The following RBFOX1 variants were observed in gnomAD, a reference collection of about 807,000 sequenced individuals.
RBFOX1 encodes the protein RNA binding fox-1 homolog 1, also known as RNA binding protein fox-1 homolog 1.
RBFOX1 carries 8 observed loss-of-function variants against 57.7 expected under a neutral mutation model. The ratio of observed to expected loss-of-function variants is 0.14; its 90% CI spans 0.08 to 0.25. RBFOX1 has a LOEUF of 0.25. Among genes scored for constraint, RBFOX1 ranks in the 10% least tolerant of loss-of-function variants. The probability of loss-of-function intolerance (pLI) is 1.00; values close to 1 mark genes in which losing one functional copy is unlikely to be tolerated. For missense variants in RBFOX1, 611 were observed against 548.5 expected, an observed-to-expected ratio of 1.11 and a Z score of -1.14; for synonymous variants, 326 against 222.4, an observed-to-expected ratio of 1.47 and a Z score of -4.15.
intron 3 of RBFOX1, among the ~76,000 whole-genome samples, chr16:6,901,862 T>C (rs1389869399): frequency 6.6e-6 from 1 of 152,220 alleles, no homozygotes; most frequent in African/African-American, 2.4e-5. Flanking sequence ...AAAAATGTTC[T>C]GGAGTTCCCC....
At chr16:5,635,472 G>C (rs1337371734) in intron 3 of RBFOX1, among the ~76,000 whole-genome samples, 5 of 152,218 alleles carry the variant, frequency 3.3e-5, no homozygotes, top group African/African-American at 1.2e-4. Flanking sequence ...CCGGGGACTG[G>C]AGGGGCTTCA....
chr16:6,695,649 G>A (rs1236853936), intron 3 of RBFOX1, among the ~76,000 whole-genome samples: 1 of 152,066 alleles, frequency 6.6e-6, no homozygotes, highest in African/African-American at 2.4e-5. Flanking sequence ...TGTAAAAGAC[G>A]ATCATAGTGT....
At chr16:6,542,426 A>T (rs531879753) in intron 2 of RBFOX1, among the ~76,000 whole-genome samples, 2 of 147,642 alleles carry the variant, frequency 1.4e-5, no homozygotes, top group Non-Finnish European at 3.0e-5. Context: ...AACTGCAGCT[A>T]AGAAAGGTGT....
chr16:6,130,570 A>C (rs2096622533), intron 1 of RBFOX1, among the ~76,000 whole-genome samples: 1 of 152,164 alleles, frequency 6.6e-6, no homozygotes, highest in Non-Finnish European at 1.5e-5. Flanking sequence ...ACTCCACTTA[A>C]AGAGCAGAGA....
At chr16:5,904,716 G>T (rs1224247634) in intron 4 of RBFOX1, among the ~76,000 whole-genome samples, 1 of 151,698 alleles carries the variant, frequency 6.6e-6, no homozygotes, top group Non-Finnish European at 1.5e-5. Context: ...AGTGTCTCGC[G>T]CCTGTAATCC....
chr16:5,828,670 G>A (rs995717851), intron 3 of RBFOX1, among the ~76,000 whole-genome samples: 14 of 152,020 alleles, frequency 9.2e-5, no homozygotes, highest in Non-Finnish European at 1.5e-4. Flanking sequence ...CTGCAGTCCA[G>A]CCTGGTGAGC....
intron 2 of RBFOX1, among the ~76,000 whole-genome samples, chr16:6,651,463 C>G (rs942025559): frequency 6.6e-6 from 1 of 152,166 alleles, no homozygotes; most frequent in East Asian, 1.9e-4. Context: ...AAATTTTTCT[C>G]CCTACTTAAA....
intron 3 of RBFOX1, among the ~76,000 whole-genome samples, chr16:6,676,375 C>T (rs1019993195): frequency 8.5e-5 from 13 of 152,114 alleles, no homozygotes; most frequent in South Asian, 2.1e-4. Flanking sequence ...ACAATGGCAG[C>T]GCCTGCCCCA....
chr16:5,586,741 C>T (rs140951111), intron 2 of RBFOX1, among the ~76,000 whole-genome samples: 3 of 152,290 alleles, frequency 2.0e-5, no homozygotes, highest in African/African-American at 7.2e-5. Context: ...TCAATGATCT[C>T]CCACCTCTGC....
chr16:7,144,960 C>A (rs549289163), intron 4 of RBFOX1, among the ~76,000 whole-genome samples: 18 of 152,204 alleles, frequency 1.2e-4, no homozygotes, highest in Admixed American at 9.8e-4. Context: ...CCCCCTCCCC[C>A]AGTGGAGTGC....
intron 10 of RBFOX1, among the ~76,000 whole-genome samples, chr16:7,621,444 T>C (rs1273086547): frequency 1.3e-5 from 2 of 151,982 alleles, no homozygotes; most frequent in African/African-American, 4.8e-5. Context: ...TATTTTTTTG[T>C]TAGAGACGGG....
chr16:6,893,533 G>A (rs1176886422), intron 3 of RBFOX1, among the ~76,000 whole-genome samples: 2 of 152,076 alleles, frequency 1.3e-5, no homozygotes, highest in Admixed American at 6.6e-5. Flanking sequence ...TCAGAAAGTG[G>A]AGTTCTGAAT....
At chr16:7,296,038 A>G (rs1028972460) in intron 4 of RBFOX1, among the ~76,000 whole-genome samples, 10 of 151,774 alleles carry the variant, frequency 6.6e-5, no homozygotes, top group South Asian at 2.1e-4. Context: ...GCTAACAAGT[A>G]TTGTTGATAC....
At chr16:6,140,313 C>T (rs1051770460) in intron 1 of RBFOX1, among the ~76,000 whole-genome samples, 2 of 151,956 alleles carry the variant, frequency 1.3e-5, no homozygotes, top group African/African-American at 4.8e-5. Context: ...TGCTTCAGCC[C>T]CATGAGTAGC....
At chr16:5,365,965 C>T (rs970939495) in intron 1 of RBFOX1, 10 of 493,418 alleles carry the variant, frequency 2.0e-5, no homozygotes, top group Non-Finnish European at 1.2e-5. Flanking sequence ...AAGGATGAAT[C>T]GTACATTGTG....
At chr16:7,541,391 A>C (rs553407645) in intron 5 of RBFOX1, among the ~76,000 whole-genome samples, 1 of 152,120 alleles carries the variant, frequency 6.6e-6, no homozygotes, top group Non-Finnish European at 1.5e-5. Flanking sequence ...AGCTCCACTG[A>C]TAGGAGATTG....
At chr16:6,694,096 C>A (rs923695820) in intron 3 of RBFOX1, among the ~76,000 whole-genome samples, 1 of 152,194 alleles carries the variant, frequency 6.6e-6, no homozygotes, top group Non-Finnish European at 1.5e-5. Flanking sequence ...AATAATTCAA[C>A]ACCCAGGTTT....
chr16:5,773,521 G>T (rs1176495428), intron 3 of RBFOX1, among the ~76,000 whole-genome samples: 1 of 152,210 alleles, frequency 6.6e-6, no homozygotes, highest in East Asian at 1.9e-4. Context: ...ACGTACTGCA[G>T]TTGCTATATT....
At chr16:7,512,334 C>G (rs1018076480) in intron 4 of RBFOX1, among the ~76,000 whole-genome samples, 3 of 152,148 alleles carry the variant, frequency 2.0e-5, no homozygotes, top group African/African-American at 7.2e-5. Context: ...ACATTTCAGC[C>G]AAGCTAAGAA....
Sources: gnomAD v4.1 joint callset for allele counts (sites outside exome capture counted in the v4.1 genomes callset) on GRCh38, gnomAD v4.1.1 for gene constraint, MANE v1.5 for transcripts, NCBI Gene and HGNC (gene_info 2026-07-23, HGNC 2026-07-21) for gene names.